Variants in TTC7A observed in about 807,000 individuals in gnomAD.
TTC7A encodes tetratricopeptide repeat domain 7A.
In TTC7A, 110 loss-of-function variants were observed where a neutral mutation model predicts 103.7. The ratio of observed to expected loss-of-function variants is 1.06; its 90% CI spans 0.91 to 1.24. TTC7A has a LOEUF of 1.24. Ranked by LOEUF, TTC7A falls within the 50% of genes most tolerant of loss-of-function variation. The probability of loss-of-function intolerance (pLI) is 0.00; values close to 1 mark genes in which losing one functional copy is unlikely to be tolerated. For synonymous variants in TTC7A, 521 were observed against 467.9 expected, an observed-to-expected ratio of 1.11 and a Z score of -1.47; for missense variants, 1,340 against 1,116.3, an observed-to-expected ratio of 1.20 and a Z score of -2.86.
intron 8 of TTC7A, among the ~76,000 whole-genome samples, chr2:46,995,469 GATTAAAAAGATGATCATCAACA>G (rs1167955543): frequency 5.3e-5 from 8 of 152,204 alleles, no homozygotes; most frequent in Admixed American, 3.3e-4. Flanking sequence ...CCTCTTTTGG[GATTAAAAAGATGATCATCAACA>G]AGGTCACAGT....
intron 15 of TTC7A, among the ~76,000 whole-genome samples, chr2:47,032,479 A>C (rs903211377): frequency 1.3e-5 from 2 of 152,204 alleles, no homozygotes; most frequent in African/African-American, 4.8e-5. Flanking sequence ...CAAGGGCTTC[A>C]GGAGCTGTGG....
chr2:46,974,582 C>T, intron 3 of TTC7A: 1 of 444,478 alleles, frequency 2.2e-6, no homozygotes, highest in South Asian at 1.6e-5. Context: ...AAGGTTATTG[C>T]ATTTCTAAAG....
At chr2:46,983,595 C>G (rs1482578846) in intron 5 of TTC7A, among the ~76,000 whole-genome samples, 1 of 152,246 alleles carries the variant, frequency 6.6e-6, no homozygotes, top group African/African-American at 2.4e-5. Flanking sequence ...CACTTTAACT[C>G]CTCAGTGACT....
intron 2 of TTC7A, among the ~76,000 whole-genome samples, chr2:46,918,346 A>C (rs1365961214): frequency 6.6e-6 from 1 of 152,152 alleles, no homozygotes; most frequent in African/African-American, 2.4e-5. Flanking sequence ...TGAGTCTTTG[A>C]CTTCTTTCCA....
chr2:46,928,751 T>C (rs1198506877), intron 2 of TTC7A, among the ~76,000 whole-genome samples: 1 of 149,878 alleles, frequency 6.7e-6, no homozygotes, highest in Non-Finnish European at 1.5e-5. Flanking sequence ...GCGTGGGTAA[T>C]GTGAGACTGT....
intron 8 of TTC7A, among the ~76,000 whole-genome samples, chr2:46,996,277 A>G (rs113225592): frequency 5.3e-5 from 8 of 152,338 alleles, no homozygotes; most frequent in African/African-American, 1.9e-4. Context: ...GTCAGGTCCA[A>G]GTCCTCCGAC....
intron 3 of TTC7A, among the ~76,000 whole-genome samples, chr2:46,966,790 CT>C (rs34299761): frequency 0.68 from 90,459 of 132,524 alleles, 29,827 homozygotes; most frequent in Middle Eastern, 0.74. Context: ...CCACCCCCAG[CT>C]TTTTTTTTTT....
chr2:46,921,641 T>C (rs1223361568), intron 2 of TTC7A, among the ~76,000 whole-genome samples: 1 of 152,210 alleles, frequency 6.6e-6, no homozygotes, highest in Non-Finnish European at 1.5e-5. Flanking sequence ...AAAGGATCTG[T>C]AAGACAGAAA....
chr2:47,048,604 A>G (rs1424661675), intron 16 of TTC7A, among the ~76,000 whole-genome samples: 1 of 151,960 alleles, frequency 6.6e-6, no homozygotes, highest in East Asian at 1.9e-4. Flanking sequence ...TTTGTTTTGT[A>G]TTGTTTTTGT....
chr2:46,962,077 A>C (rs1447896850), intron 3 of TTC7A, among the ~76,000 whole-genome samples: 1 of 152,058 alleles, frequency 6.6e-6, no homozygotes, highest in Non-Finnish European at 1.5e-5. Flanking sequence ...ACAGGTGGTC[A>C]TTTCTTTTGT....
chr2:47,065,371 G>C (rs1684101469), intron 19 of TTC7A, among the ~76,000 whole-genome samples: 1 of 152,226 alleles, frequency 6.6e-6, no homozygotes, highest in Admixed American at 6.5e-5. Flanking sequence ...GAAGCAATGA[G>C]ACAAAGAAAA....
intron 1 of TTC7A, among the ~76,000 whole-genome samples, chr2:46,944,120 C>T (rs944338824): frequency 6.6e-6 from 1 of 152,122 alleles, no homozygotes; most frequent in Non-Finnish European, 1.5e-5. Flanking sequence ...AGCAGGGGAA[C>T]CCCAGAGTCC....
intron 1 of TTC7A, among the ~76,000 whole-genome samples, chr2:46,943,235 C>T (rs1670610485): frequency 6.6e-6 from 1 of 152,132 alleles, no homozygotes; most frequent in African/African-American, 2.4e-5. Flanking sequence ...TTGTAAACAA[C>T]CCTATTAGGA....
chr2:47,011,664 C>T (rs556627470), intron 11 of TTC7A, among the ~76,000 whole-genome samples: 2 of 152,352 alleles, frequency 1.3e-5, no homozygotes, highest in African/African-American at 2.4e-5. Context: ...CAGCCTTGAA[C>T]TGTGGCCTCC....
At chr2:46,932,826 A>G (rs922837511) in intron 2 of TTC7A, among the ~76,000 whole-genome samples, 12 of 149,880 alleles carry the variant, frequency 8.0e-5, no homozygotes, top group Non-Finnish European at 1.3e-4. Context: ...GCTTGAACCC[A>G]GGAGGCAGAG....
intron 3 of TTC7A, among the ~76,000 whole-genome samples, chr2:46,961,207 T>C (rs570828316): frequency 2.2e-4 from 34 of 152,286 alleles, no homozygotes; most frequent in Admixed American, 7.8e-4. Flanking sequence ...GTGACAGATA[T>C]ATATTCAGAT....
intron 5 of TTC7A, 65 bp from the exon 6 acceptor site, chr2:46,993,385 G>C (rs1675821644): frequency 2.0e-6 from 3 of 1,507,118 alleles, no homozygotes; most frequent in Non-Finnish European, 2.8e-6. Flanking sequence ...CTGCTGGTGT[G>C]CTGAGAGCAT....
chr2:47,050,059 T>C lies in TTC7A; in HGVS notation c.2017+13T>C. 6.2e-7 allele frequency: 1 copy of C among 1,606,328 alleles called. No individual in the cohort carries two copies. Among genetic ancestry groups the C allele is most frequent in the South Asian group, 1.1e-5 (1 of 90,926 alleles). On this transcript the variant is annotated intron_variant, in intron 17 of 19. Transcript: ENST00000319190. ...GATGCAGACTCTGGTAAGAACGAGC[T>C]CCTTGGGCCACTGTGTGCATGGACC...
intron 19 of TTC7A, among the ~76,000 whole-genome samples, chr2:47,069,247 C>T (rs934629196): frequency 3.3e-5 from 5 of 152,150 alleles, no homozygotes; most frequent in African/African-American, 7.2e-5. Flanking sequence ...CTTGGAGGTT[C>T]GTCAGGCTGC....
Sources: allele counts gnomAD v4.1 joint callset (sites outside exome capture counted in the v4.1 genomes callset), GRCh38; gene constraint gnomAD v4.1.1; transcripts MANE v1.5; gene names NCBI Gene and HGNC (gene_info 2026-07-23, HGNC 2026-07-21).